The following CYP2A6 variants were observed in gnomAD, a reference collection of about 807,000 sequenced individuals.
The protein encoded by CYP2A6 is cytochrome P450 2A6.
CYP2A6 carries 27 observed loss-of-function variants against 42.3 expected under a neutral mutation model. That is an observed-to-expected ratio of 0.64 (90% confidence interval 0.47 to 0.88). The LOEUF is 0.88. CYP2A6 is among the 40% of genes least tolerant of loss of function. The probability of loss-of-function intolerance (pLI) is 0.00; values close to 1 mark genes in which losing one functional copy is unlikely to be tolerated. For synonymous variants in CYP2A6, 238 were observed against 246.3 expected, an observed-to-expected ratio of 0.97 and a Z score of 0.31; for missense variants, 628 against 646.0, an observed-to-expected ratio of 0.97 and a Z score of 0.30.
At chr19:40,845,575 C>T (rs2083452426) in intron 6 of CYP2A6, 94 bp from the exon 7 acceptor site, 4 of 1,554,022 alleles carry the variant, frequency 2.6e-6, no homozygotes, top group Admixed American at 1.8e-5. Context: ...TGATATGGCT[C>T]CGCCTATGAG....
rs776710336 is a variant in CYP2A6, at chr19:40,845,199, A to C, written c.1161+95T>G. 5.3e-6 allele frequency: 8 copies of C among 1,511,078 alleles called. 1 individual carries two copies. In the South Asian group the frequency reaches 9.1e-5, roughly 17 times the overall value. 93.6% of individuals were successfully genotyped at this position (1,511,078 alleles called of 1,614,324 possible). The stretch of plus-strand genomic sequence containing the variant: ...TTTTTTGACTGATTGAGGGAGTGGG[A>C]CAGGGTCTAGAAAGCTTCTAATGTG... On this transcript the variant is annotated intron_variant, in intron 7 of 8. Coordinates refer to ENST00000301141, the MANE Select transcript of CYP2A6 (RefSeq NM_000762.6).
intron 8 of CYP2A6, among the ~76,000 whole-genome samples, chr19:40,844,364 G>T (rs1170202093): frequency 6.6e-6 from 1 of 151,278 alleles, no homozygotes; most frequent in Non-Finnish European, 1.5e-5. Context: ...CTGCTGTGCC[G>T]TCATCTCCTT....
intron 6 of CYP2A6, 99 bp downstream of exon 6, chr19:40,845,857 T>C: frequency 6.5e-7 from 1 of 1,529,248 alleles, no homozygotes; most frequent in South Asian, 1.2e-5. Flanking sequence ...AAGTCACGTC[T>C]CAGGGTCCCG....
rs1213262516 is a variant in CYP2A6 at position 40,843,609 on chromosome 19, C to A, written c.*187G>T. On this transcript the variant is annotated 3_prime_UTR_variant, in exon 9 of 9. Coordinates refer to ENST00000301141, the MANE Select transcript of CYP2A6 (RefSeq NM_000762.6). ...ATGTAAGGGTTTCCTTCCTCTCATC[C>A]CAGCTCGGAAGCACCTTATCAAGGT... The A allele has an allele frequency of 1.1e-5, 11 of 1,014,730 alleles. No homozygotes were observed. The highest frequency in any genetic ancestry group is 9.4e-5 in the Admixed American group (3 of 32,074). 62.9% of individuals were successfully genotyped at this position (1,014,730 alleles called of 1,614,324 possible).
intron 5 of CYP2A6, among the ~76,000 whole-genome samples, chr19:40,846,482 G>T (rs1370638397): frequency 6.6e-6 from 1 of 151,256 alleles, no homozygotes; most frequent in African/African-American, 2.4e-5. Context: ...GACCATGCAG[G>T]CTCACTTACT....
chr19:40,844,639 A>G lies in CYP2A6; in HGVS notation c.1295T>C (p.Phe432Ser). 1.2e-6 allele frequency: 2 copies of G among 1,611,576 alleles called. No individual in the cohort carries two copies. The highest frequency in any genetic ancestry group is 1.7e-6 in the Non-Finnish European group (2 of 1,179,836). Reference sequence around the variant, plus strand: ...AAACAGTGGTCTCTTACCGATGGAAAAGGGCACAAAAGCATCACTCTTCTT... The same window carrying G: ...AAACAGTGGTCTCTTACCGATGGAAGAGGGCACAAAAGCATCACTCTTCTT... ...QFKKSDAFVP[F>S]SIGKRNCFGE... is the part of the protein sequence containing the mutation. The change falls in exon 8 of 9, where the codon TTT (phenylalanine) becomes TCT (serine). Residue 432 changes from phenylalanine (F) to serine (S), a missense_variant. Transcript: ENST00000301141.
intron 5 of CYP2A6, 101 bp downstream of exon 5, chr19:40,846,774 G>A: frequency 6.7e-7 from 1 of 1,497,204 alleles, no homozygotes; most frequent in African/African-American, 1.4e-5. Context: ...ATTATGATGA[G>A]GGTTAATTTG....
intron 6 of CYP2A6, 56 bp downstream of exon 6, chr19:40,845,900 C>T (rs553719688): frequency 3.2e-5 from 51 of 1,589,510 alleles, no homozygotes; most frequent in South Asian, 3.0e-4. Context: ...TTGCACCAGT[C>T]GAAGGGGAAT....
At chr19:40,846,138 G>A (rs767074750) in intron 5 of CYP2A6, 41 bp from the exon 6 acceptor site, 1 of 1,604,898 alleles carries the variant, frequency 6.2e-7, no homozygotes. Flanking sequence ...CACTCCTCTT[G>A]CCCTCAGGGC....
chr19:40,848,798 G>A (rs938427403), intron 2 of CYP2A6, 35 bp from the exon 3 acceptor site: 2 of 1,584,696 alleles, frequency 1.3e-6, no homozygotes, highest in African/African-American at 2.7e-5. Flanking sequence ...AGACAGGCCA[G>A]GGGGCGGCAG....
Position 40,845,393 on chromosome 19 carries a change from T to G in CYP2A6, c.1062A>C (p.Ala354=). 6.2e-7 allele frequency: 1 copy of G among 1,611,808 alleles called. No homozygotes were observed. The highest frequency in any genetic ancestry group is 1.1e-5 in the South Asian group (1 of 90,908). ...EDRAKMPYME[A]VIHEIQRFGD... ...CAAATCTTTGGATCTCGTGGATCAC[T>G]GCCTCCATGTAGGGCATCTTGGCCC... is the stretch of plus-strand genomic sequence containing the variant. The change falls in exon 7 of 9, where the codon GCA becomes GCC. Residue 354 remains alanine (A), a synonymous_variant. Coordinates refer to ENST00000301141, the MANE Select transcript of CYP2A6 (RefSeq NM_000762.6).
chr19:40,849,034 GAA>G (rs1568516134), intron 2 of CYP2A6, among the ~76,000 whole-genome samples: 1 of 25,660 alleles, frequency 3.9e-5, no homozygotes, highest in Admixed American at 4.3e-4. Flanking sequence ...GAGAGAGAGA[GAA>G]GAGAGAGAGG....
chr19:40,847,306 G>A (rs1967118001), intron 4 of CYP2A6, among the ~76,000 whole-genome samples: 1 of 151,540 alleles, frequency 6.6e-6, no homozygotes, highest in African/African-American at 2.4e-5. Context: ...AAACGAGGCT[G>A]GATTGGAGCA....
chr19:40,846,457 A>G (rs1178216953), intron 5 of CYP2A6, among the ~76,000 whole-genome samples: 1 of 151,344 alleles, frequency 6.6e-6, no homozygotes. Flanking sequence ...AGTAGCTGGA[A>G]CTGCACATGC....
chr19:40,844,483 G>T, intron 8 of CYP2A6, 148 bp downstream of exon 8: 1 of 1,370,746 alleles, frequency 7.3e-7, no homozygotes, highest in Non-Finnish European at 1.0e-6. Flanking sequence ...TGGTAGTTAA[G>T]GAAGTATCAG....
intron 5 of CYP2A6, 127 bp from the exon 6 acceptor site, chr19:40,846,224 C>T: frequency 7.5e-7 from 1 of 1,336,254 alleles, no homozygotes; most frequent in East Asian, 2.7e-5. Flanking sequence ...CTAGATCTAC[C>T]AGACTCGCTC....
Position 40,850,121 on chromosome 19 carries a change from T to C in CYP2A6, c.180+126A>G, listed in dbSNP as rs1212851485. 3.9e-6 allele frequency: 6 copies of C among 1,526,744 alleles called. No homozygotes were observed. In the Admixed American group the frequency reaches 6.1e-5, roughly 15 times the overall value. The allele number at this position is 1,526,744 out of a possible 1,614,324, so 94.6% of individuals were successfully genotyped here. A position where few individuals can be genotyped will look rare whatever the true frequency, so the allele number is the denominator to read the frequency against. Reference sequence around the variant, plus strand: ...TGGACATCCCAAGATCCTGTCTTTCTGATGCTGAAACTCCAAAACTCCATT... The same window carrying C: ...TGGACATCCCAAGATCCTGTCTTTCCGATGCTGAAACTCCAAAACTCCATT... On this transcript the variant is annotated intron_variant, in intron 1 of 8. Coordinates refer to ENST00000301141, the MANE Select transcript of CYP2A6 (RefSeq NM_000762.6).
intron 8 of CYP2A6, 47 bp downstream of exon 8, chr19:40,844,584 C>G (rs2002975): frequency 0.075 from 119,972 of 1,609,498 alleles, 5,993 homozygotes; most frequent in Non-Finnish European, 0.079. Context: ...TGAGGGAGGC[C>G]CCTGCTGGTG....
rs769660507 is a variant in CYP2A6 at position 40,849,801 on chromosome 19, C to G, written c.343+17G>C. ...GTGTCCACCTGGCCACCTTCCCCCTCTTGGGCACCCCCTCACCATAGCCTT... is the reference window on the plus strand; with the variant it reads ...GTGTCCACCTGGCCACCTTCCCCCTGTTGGGCACCCCCTCACCATAGCCTT... On this transcript the variant is annotated intron_variant, in intron 2 of 8. Coordinates refer to ENST00000301141, the MANE Select transcript of CYP2A6 (RefSeq NM_000762.6). The G allele has an allele frequency of 1.2e-6, 2 of 1,608,304 alleles. No homozygotes were observed. The highest frequency in any genetic ancestry group is 8.5e-7 in the Non-Finnish European group (1 of 1,179,534).
Sources: allele counts gnomAD v4.1 joint callset (sites outside exome capture counted in the v4.1 genomes callset), GRCh38; gene constraint gnomAD v4.1.1; transcripts MANE v1.5; gene names NCBI Gene and HGNC (gene_info 2026-07-23, HGNC 2026-07-21).